TOR1AIP2: variants seen among roughly 807,000 people sequenced by gnomAD.
TOR1AIP2 encodes torsin 1A interacting protein 2, also known as torsin-1A-interacting protein 2.
A neutral mutation model predicts 32.6 loss-of-function variants in TOR1AIP2; 20 were observed. The observed-to-expected ratio is 0.61, with a 90% CI of 0.43 to 0.89. TOR1AIP2 has a LOEUF of 0.89. Ranked by LOEUF, TOR1AIP2 falls within the 40% of genes least tolerant of loss-of-function variation. The pLI, the probability that TOR1AIP2 is intolerant of heterozygous loss-of-function variation, is 0.00. For missense variants in TOR1AIP2, 456 were observed against 553.8 expected, an observed-to-expected ratio of 0.82 and a Z score of 1.77; for synonymous variants, 214 against 210.8, an observed-to-expected ratio of 1.02 and a Z score of -0.13.
chr1:179,864,702 G>A (rs1343660415), intron 3 of TOR1AIP2: 1 of 1,506,198 alleles, frequency 6.6e-7, no homozygotes, highest in Non-Finnish European at 8.8e-7. Flanking sequence ...GTCAGACTTA[G>A]AAATGAATTA....
chr1:179,867,867 G>A (rs1426441335), intron 2 of TOR1AIP2: 4 of 152,178 alleles, frequency 2.6e-5, no homozygotes. Flanking sequence ...TTTCAGACAA[G>A]TCTTCCCTCC....
rs962523703 is a variant in TOR1AIP2, at chr1:179,864,185, G to A, written c.-147+1251C>T. 5.1e-6 allele frequency: 5 copies of A among 985,320 alleles called. No homozygotes were observed. In the African/African-American group the frequency reaches 8.7e-5, roughly 17 times the overall value. 61.0% of individuals were successfully genotyped at this position (985,320 alleles called of 1,614,324 possible). A position where few individuals can be genotyped will look rare whatever the true frequency, so the allele number is the denominator to read the frequency against. On this transcript the variant is annotated intron_variant, in intron 3 of 6. Coordinates refer to ENST00000609928, the MANE Select transcript of TOR1AIP2 (RefSeq NM_001199260.2). ...AATGTGATTTATCTGACAGTGACCAGTTATCAATAATCTCACAGCCACACT... is the reference window on the plus strand; with the variant it reads ...AATGTGATTTATCTGACAGTGACCAATTATCAATAATCTCACAGCCACACT...
Position 179,851,320 on chromosome 1 carries a change from C to T in TOR1AIP2, c.78G>A (p.Gln26=). The T allele has an allele frequency of 6.3e-7, 1 of 1,590,496 alleles. No individual in the cohort carries two copies. Residue 26 remains glutamine (Q), a synonymous_variant, in exon 5 of 7, where the codon CAG becomes CAA. Coordinates refer to ENST00000609928, the MANE Select transcript of TOR1AIP2 (RefSeq NM_001199260.2). ...DLENDPSVNS[Q]AQETTIIASN... ...TTGCTATGATTGTGGTCTCCTGCGC[C>T]TGAGAATTTACTGATGGATCATTTT...
intron 5 of TOR1AIP2, among the ~76,000 whole-genome samples, chr1:179,848,868 C>T (rs1307048817): frequency 6.6e-6 from 1 of 152,130 alleles, no homozygotes; most frequent in African/African-American, 2.4e-5. Context: ...CAGTGGCTCA[C>T]GCCTGTAATC....
Position 179,843,351 on chromosome 1 carries a change from C to T in TOR1AIP2, c.*2720G>A, listed in dbSNP as rs1432083244. 6.6e-6 allele frequency: 1 copy of T among 150,942 alleles called. No homozygotes were observed. The highest frequency in any genetic ancestry group is 1.5e-5 in the Non-Finnish European group (1 of 67,796). The allele number at this position is 150,942 out of a possible 1,614,324, so 9.4% of individuals were successfully genotyped here. ...CAAAACCTCGTCTCTATTAAAAATA[C>T]AATAATTAGCTGGGCATTGTGGTGC... is the stretch of plus-strand genomic sequence containing the variant. On this transcript the variant is annotated 3_prime_UTR_variant, in exon 7 of 7. Transcript: ENST00000609928.
chr1:179,847,401 C>T (rs570800292), intron 6 of TOR1AIP2, 134 bp downstream of exon 6: 100 of 700,994 alleles, frequency 1.4e-4, no homozygotes, highest in Non-Finnish European at 2.2e-4. Context: ...TTTACTATGT[C>T]TCACTACCAA....
intron 5 of TOR1AIP2, among the ~76,000 whole-genome samples, chr1:179,850,297 A>T (rs1696065653): frequency 6.6e-6 from 1 of 152,192 alleles, no homozygotes; most frequent in African/African-American, 2.4e-5. Context: ...TAGCTTCATA[A>T]GGGAAGACAT....
chr1:179,876,862 A>C (rs1647356753), intron 2 of TOR1AIP2, among the ~76,000 whole-genome samples: 1 of 152,222 alleles, frequency 6.6e-6, no homozygotes. Flanking sequence ...ATTTGTTAAA[A>C]GAAGGAAAAG....
chr1:179,846,974 A>G, intron 6 of TOR1AIP2, 146 bp from the exon 7 acceptor site: 1 of 782,770 alleles, frequency 1.3e-6, no homozygotes, highest in South Asian at 2.5e-5. Context: ...TAAACTTTCA[A>G]TCCACCAGAA....
Position 179,841,567 on chromosome 1 carries a change from G to C in TOR1AIP2, c.*4504C>G, listed in dbSNP as rs758514104. 2 of 152,218 alleles carry C rather than the reference G, an allele frequency of 1.3e-5. No homozygotes were observed. Among genetic ancestry groups the C allele is most frequent in the Non-Finnish European group, 2.9e-5 (2 of 68,044 alleles). 9.4% of individuals were successfully genotyped at this position (152,218 alleles called of 1,614,324 possible). A position where few individuals can be genotyped will look rare whatever the true frequency, so the allele number is the denominator to read the frequency against. On this transcript the variant is annotated 3_prime_UTR_variant, in exon 7 of 7. Transcript: ENST00000609928. ...GGAGGTCCAGGCTGCAGTGAGCTGT[G>C]ATTGTGCCACTGCACCATAGCTTGG...
chr1:179,857,566 T>C (rs917363155), intron 3 of TOR1AIP2, among the ~76,000 whole-genome samples: 7 of 152,226 alleles, frequency 4.6e-5, no homozygotes, highest in African/African-American at 7.2e-5. Context: ...GTATCCTTTC[T>C]ACTTCATCTC....
At chr1:179,871,905 C>G (rs114077276) in intron 2 of TOR1AIP2, among the ~76,000 whole-genome samples, 30 of 152,174 alleles carry the variant, frequency 2.0e-4, no homozygotes, top group African/African-American at 7.2e-4. Flanking sequence ...TTCATATAAT[C>G]TAAAATAATT....
rs866095750 is a variant in TOR1AIP2, at chr1:179,864,134, T to A, written c.-147+1302A>T. 28 of 985,472 alleles carry A rather than the reference T, an allele frequency of 2.8e-5. No homozygotes were observed. In the Middle Eastern group the frequency reaches 2.6e-3, roughly 92 times the overall value. The allele number at this position is 985,472 out of a possible 1,614,324, so 61.0% of individuals were successfully genotyped here. ...GGTGGCATTTCTGCATGTTTCTGCA[T>A]AACCTATATAGGTGTTTCCTAATAG... is the stretch of plus-strand genomic sequence containing the variant. On this transcript the variant is annotated intron_variant, in intron 3 of 6. Coordinates refer to ENST00000609928, the MANE Select transcript of TOR1AIP2 (RefSeq NM_001199260.2).
intron 3 of TOR1AIP2, chr1:179,864,281 T>TTA (rs1360481016): frequency 2.4e-5 from 24 of 984,870 alleles, no homozygotes; most frequent in Middle Eastern, 5.2e-4. Flanking sequence ...ATCTATCTAT[T>TTA]TATATATATA....
At chr1:179,852,867 C>T (rs1696168500) in intron 3 of TOR1AIP2, 56 bp from the exon 4 acceptor site, 2 of 1,200,406 alleles carry the variant, frequency 1.7e-6, no homozygotes, top group African/African-American at 1.5e-5. Context: ...GGGAGAAATG[C>T]AAGTATCAGC....
intron 2 of TOR1AIP2, among the ~76,000 whole-genome samples, chr1:179,866,806 T>G (rs1007648487): frequency 6.6e-6 from 1 of 152,186 alleles, no homozygotes; most frequent in African/African-American, 2.4e-5. Context: ...GGAAAATGCA[T>G]AGTAAATAAG....
Position 179,846,832 on chromosome 1 carries a change from T to A in TOR1AIP2, c.656-4A>T. 1 of 1,574,860 alleles carries A rather than the reference T, an allele frequency of 6.3e-7. No individual in the cohort carries two copies. The highest frequency in any genetic ancestry group is 1.2e-5 in the South Asian group (1 of 86,482). On this transcript the variant is annotated splice_region_variant and splice_polypyrimidine_tract_variant and intron_variant, in intron 6 of 6. Coordinates refer to ENST00000609928, the MANE Select transcript of TOR1AIP2 (RefSeq NM_001199260.2). Reference sequence around the variant, plus strand: ...AGGACGACAAGAATCACAGGGCCTGTCAAAAGAATGAAAAAGGAATAGAAA... The same window carrying A: ...AGGACGACAAGAATCACAGGGCCTGACAAAAGAATGAAAAAGGAATAGAAA...
At chr1:179,864,879 T>C in intron 3 of TOR1AIP2, 2 of 1,614,040 alleles carry the variant, frequency 1.2e-6, no homozygotes, top group Non-Finnish European at 1.7e-6. Context: ...GAGTCATGTA[T>C]TCTTTTTCTA....
At position 179,852,779 on chromosome 1, in the gene TOR1AIP2, A is replaced by G; in HGVS notation, c.-114T>C. ...AAGTCCCAACAGACTCATGCTTCCC[A>G]TGGACCCAGGAAATAAGGCATATAT... On this transcript the variant is annotated 5_prime_UTR_variant, in exon 4 of 7. An upstream start codon of the reference 5' UTR is lost. Coordinates refer to ENST00000609928, the MANE Select transcript of TOR1AIP2 (RefSeq NM_001199260.2). The G allele has an allele frequency of 6.4e-7, 1 of 1,572,550 alleles. No individual in the cohort carries two copies. The highest frequency in any genetic ancestry group is 2.3e-5 in the East Asian group (1 of 42,910).
Sources: allele counts gnomAD v4.1 joint callset (sites outside exome capture counted in the v4.1 genomes callset), GRCh38; gene constraint gnomAD v4.1.1; transcripts MANE v1.5; gene names NCBI Gene and HGNC (gene_info 2026-07-23, HGNC 2026-07-21).